The following CCDC3 variants were observed in gnomAD, a reference collection of about 807,000 sequenced individuals.
CCDC3 encodes coiled-coil domain-containing protein 3.
CCDC3 carries 24 observed loss-of-function variants against 21.4 expected under a neutral mutation model. The ratio of observed to expected loss-of-function variants is 1.12; its 90% CI spans 0.81 to 1.58. The LOEUF (loss-of-function observed/expected upper bound fraction) is 1.58, where lower values mean the gene tolerates loss of function less well. Ranked by LOEUF, CCDC3 falls within the 40% of genes most tolerant of loss-of-function variation. The pLI, the probability that CCDC3 is intolerant of heterozygous loss-of-function variation, is 0.00. For synonymous variants in CCDC3, 186 were observed against 166.0 expected (o/e 1.12, Z -0.93); for missense variants, 425 against 360.9 (o/e 1.18, Z -1.44).
intron 4 of CCDC3, among the ~76,000 whole-genome samples, chr10:13,069,322 T>C (rs1836856802): frequency 6.6e-6 from 1 of 152,224 alleles, no homozygotes; most frequent in African/African-American, 2.4e-5. Context: ...TACATTCAAA[T>C]GGTTATTATA....
intron 4 of CCDC3, among the ~76,000 whole-genome samples, chr10:13,064,364 C>T (rs1348580813): frequency 5.9e-5 from 9 of 152,246 alleles, no homozygotes; most frequent in Middle Eastern, 3.4e-3. Context: ...TTGGTCTTCA[C>T]GAAATAAATT....
intron 5 of CCDC3, among the ~76,000 whole-genome samples, chr10:13,035,792 C>T (rs934269995): frequency 6.6e-6 from 1 of 152,172 alleles, no homozygotes; most frequent in Non-Finnish European, 1.5e-5. Context: ...AAGCAACAAA[C>T]GAAACCCTTT....
At chr10:13,070,611 A>G (rs142805663) in intron 4 of CCDC3, among the ~76,000 whole-genome samples, 16 of 152,324 alleles carry the variant, frequency 1.1e-4, no homozygotes, top group Non-Finnish European at 2.2e-4. Flanking sequence ...TCAAGAAGAG[A>G]GGAGTTTGCC....
chr10:12,911,365 G>T (rs1472551567), intron 2 of CCDC3, among the ~76,000 whole-genome samples: 1 of 152,194 alleles, frequency 6.6e-6, no homozygotes, highest in Non-Finnish European at 1.5e-5. Flanking sequence ...GTCCTCAACA[G>T]AGTCACTGCT....
At chr10:13,021,948 C>T (rs1000502681) in intron 5 of CCDC3, among the ~76,000 whole-genome samples, 10 of 151,978 alleles carry the variant, frequency 6.6e-5, no homozygotes, top group African/African-American at 1.7e-4. Flanking sequence ...TTAATAGAGA[C>T]GGGGTTTCAC....
intron 3 of CCDC3, among the ~76,000 whole-genome samples, chr10:13,092,294 TATA>T (rs762690401): frequency 1.3e-5 from 2 of 152,220 alleles, no homozygotes; most frequent in African/African-American, 4.8e-5. Flanking sequence ...TTCCCAGAAT[TATA>T]ATAAGACACA....
At chr10:13,099,389 TCTCCCTCTCTCCGTCC>T (rs1832687152) in intron 1 of CCDC3, 1 of 126,704 alleles carries the variant, frequency 7.9e-6, no homozygotes. Flanking sequence ...TCCCTCCCTC[TCTCCCTCTCTCCGTCC>T]CTCCCTCTCT....
upstream of CCDC3, among the ~76,000 whole-genome samples, chr10:13,002,841 T>C (rs1391074279): frequency 1.3e-5 from 2 of 152,166 alleles, no homozygotes; most frequent in African/African-American, 4.8e-5. Flanking sequence ...TGGTGAGGCC[T>C]CTCTTCCTGG....
intron 2 of CCDC3, among the ~76,000 whole-genome samples, chr10:12,906,704 G>GATA (rs1416007351): frequency 4.6e-5 from 7 of 152,152 alleles, no homozygotes; most frequent in Non-Finnish European, 7.3e-5. Context: ...GTCTCCTCAT[G>GATA]TATACAATGG....
intron 4 of CCDC3, among the ~76,000 whole-genome samples, chr10:13,059,564 G>A (rs1836727684): frequency 6.6e-6 from 1 of 152,200 alleles, no homozygotes; most frequent in Non-Finnish European, 1.5e-5. Context: ...GGGCGGAGAT[G>A]AACAGAGTCA....
intron 3 of CCDC3, among the ~76,000 whole-genome samples, chr10:13,086,551 G>A (rs762496360): frequency 2.6e-5 from 4 of 151,960 alleles, no homozygotes; most frequent in Non-Finnish European, 5.9e-5. Context: ...CCGCCTCCCG[G>A]TTCTCCTGCC....
intron 3 of CCDC3, among the ~76,000 whole-genome samples, chr10:13,081,837 T>C (rs1234209929): frequency 6.6e-6 from 1 of 152,246 alleles, no homozygotes; most frequent in African/African-American, 2.4e-5. Flanking sequence ...GTTACGCTTG[T>C]GTGCGTGGTA....
chr10:12,962,170 A>G (rs2131257772), intron 2 of CCDC3, among the ~76,000 whole-genome samples: 1 of 152,330 alleles, frequency 6.6e-6, no homozygotes, highest in African/African-American at 2.4e-5. Context: ...AGGATTTGAT[A>G]TGACAAATTC....
At chr10:13,082,553 G>C (rs1290470353) in intron 3 of CCDC3, among the ~76,000 whole-genome samples, 1 of 152,178 alleles carries the variant, frequency 6.6e-6, no homozygotes, top group African/African-American at 2.4e-5. Flanking sequence ...AGAGGTGGTG[G>C]AGCAGAGTCT....
At chr10:13,020,848 C>CA (rs901718364) in intron 5 of CCDC3, among the ~76,000 whole-genome samples, 7 of 151,312 alleles carry the variant, frequency 4.6e-5, no homozygotes, top group East Asian at 1.9e-4. Context: ...AAAGTTTTCA[C>CA]AAAAAAAACT....
At chr10:12,949,154 G>T (rs1042152844) in intron 2 of CCDC3, among the ~76,000 whole-genome samples, 1 of 152,148 alleles carries the variant, frequency 6.6e-6, no homozygotes. Flanking sequence ...AGACACAACT[G>T]CCAGTGTTCC....
At chr10:12,982,430 T>G (rs1196300828) in intron 2 of CCDC3, among the ~76,000 whole-genome samples, 1 of 151,670 alleles carries the variant, frequency 6.6e-6, no homozygotes, top group Admixed American at 6.6e-5. Context: ...TACGACAGCG[T>G]ACACACAGTT....
rs181185900 is a variant in CCDC3 at position 13,019,007 on chromosome 10, G to A, written c.-1-20495C>T. On this transcript the variant is annotated intron_variant, in intron 5 of 6. Coordinates refer to the CCDC3 transcript ENST00000378839. ...CCAGCACTTTGGGAGGCCGAGGCGG[G>A]CGGATCACAAGGTCAGGAGATCGAG... Among the ~76,000 whole-genome samples the A allele has an allele frequency of 9.3e-3, 1,420 of 152,070 alleles. 29 individuals are homozygous for A. Among genetic ancestry groups the A allele is most frequent in the African/African-American group, 0.033 (1,357 of 41,518 alleles).
At chr10:12,954,418 G>C (rs1486727904) in intron 2 of CCDC3, among the ~76,000 whole-genome samples, 1 of 152,150 alleles carries the variant, frequency 6.6e-6, no homozygotes, top group African/African-American at 2.4e-5. Context: ...CATTTGTGTT[G>C]GTATAAAGGA....
Sources: gnomAD v4.1 joint callset for allele counts (sites outside exome capture counted in the v4.1 genomes callset) on GRCh38, gnomAD v4.1.1 for gene constraint, MANE v1.5 for transcripts, NCBI Gene and HGNC (gene_info 2026-07-23, HGNC 2026-07-21) for gene names.